TRAM1: variants seen among roughly 807,000 people sequenced by gnomAD.
TRAM1 encodes translocation associated membrane protein 1.
Under a neutral mutation model 48.7 loss-of-function variants are expected in TRAM1, and 17 were observed. The observed-to-expected ratio is 0.35, with a 90% CI of 0.24 to 0.52. The LOEUF (loss-of-function observed/expected upper bound fraction) is 0.52, where lower values mean the gene tolerates loss of function less well. Ranked by LOEUF, TRAM1 falls within the 20% of genes least tolerant of loss-of-function variation. The pLI is 0.94. For synonymous variants in TRAM1, 182 were observed against 154.0 expected, an observed-to-expected ratio of 1.18 and a Z score of -1.34; for missense variants, 351 against 441.5, an observed-to-expected ratio of 0.79 and a Z score of 1.84.
chr8:70,574,998 A>C lies in TRAM1; in HGVS notation c.1059T>G (p.Gly353=), dbSNP rs769835299. 1.2e-6 allele frequency: 2 copies of C among 1,606,350 alleles called. No individual in the cohort carries two copies. Among genetic ancestry groups the C allele is most frequent in the Non-Finnish European group, 1.7e-6 (2 of 1,177,312 alleles). Residue 353 remains glycine (G), a synonymous_variant, in exon 11 of 11, where the codon GGT becomes GGG. Coordinates refer to ENST00000262213, the MANE Select transcript of TRAM1 (RefSeq NM_014294.6). ...CATTTGAAGTTAATGTTCCATTCAC[A>C]CCATTTTCTGCAAAAAGAAAAGAAT... is the stretch of plus-strand genomic sequence containing the variant. ...GRSSKKGTEN[G]VNGTLTSNVA...
At chr8:70,604,809 A>G (rs547682536) in intron 1 of TRAM1, among the ~76,000 whole-genome samples, 7 of 152,222 alleles carry the variant, frequency 4.6e-5, no homozygotes, top group Middle Eastern at 3.4e-3. Flanking sequence ...TACACTCCTT[A>G]AAAGAAATAC....
chr8:70,587,294 C>T, intron 6 of TRAM1, 118 bp from the exon 7 acceptor site: 1 of 926,634 alleles, frequency 1.1e-6, no homozygotes, highest in Non-Finnish European at 1.6e-6. Context: ...CTCAAGAGAA[C>T]CCCCAACCTT....
intron 10 of TRAM1, 92 bp from the exon 11 acceptor site, chr8:70,575,097 G>T: frequency 1.1e-6 from 1 of 924,544 alleles, no homozygotes; most frequent in Non-Finnish European, 1.6e-6. Context: ...AAAAGAAAAT[G>T]TAAAATCCAA....
At chr8:70,586,866 A>G (rs1483092256) in intron 8 of TRAM1, 29 bp downstream of exon 8, 1 of 1,582,548 alleles carries the variant, frequency 6.3e-7, no homozygotes. Context: ...TACCTAGTAC[A>G]CGAGAAATAG....
intron 6 of TRAM1, among the ~76,000 whole-genome samples, chr8:70,588,673 A>T (rs570876209): frequency 6.6e-6 from 1 of 152,360 alleles, no homozygotes; most frequent in African/African-American, 2.4e-5. Context: ...ACACACACAC[A>T]AACACACAAT....
intron 1 of TRAM1, among the ~76,000 whole-genome samples, chr8:70,602,773 T>C (rs555531326): frequency 6.6e-6 from 1 of 152,168 alleles, no homozygotes; most frequent in Admixed American, 6.5e-5. Context: ...CTCTGGGAAT[T>C]GAGAGGCACC....
chr8:70,574,806 A>G lies in TRAM1; in HGVS notation c.*126T>C. On this transcript the variant is annotated 3_prime_UTR_variant, in exon 11 of 11. Transcript: ENST00000262213. Reference sequence around the variant, plus strand: ...AAATGCCCTTTAAAAAAATGCATGAAACCGTACAATAGCAAAAATCAAAGA... The same window carrying G: ...AAATGCCCTTTAAAAAAATGCATGAGACCGTACAATAGCAAAAATCAAAGA... The G allele has an allele frequency of 1.4e-6, 1 of 707,260 alleles. No homozygotes were observed. The highest frequency in any genetic ancestry group is 2.3e-6 in the Non-Finnish European group (1 of 430,742). 43.8% of individuals were successfully genotyped at this position (707,260 alleles called of 1,614,324 possible). A position where few individuals can be genotyped will look rare whatever the true frequency, so the allele number is the denominator to read the frequency against.
chr8:70,601,345 C>T (rs901459789), intron 1 of TRAM1, among the ~76,000 whole-genome samples: 1 of 152,130 alleles, frequency 6.6e-6, no homozygotes. Context: ...AAAATACGGT[C>T]GGAAAATATT....
intron 10 of TRAM1, among the ~76,000 whole-genome samples, chr8:70,576,385 A>G (rs1816953934): frequency 1.3e-5 from 2 of 152,244 alleles, no homozygotes; most frequent in African/African-American, 4.8e-5. Flanking sequence ...GGCTTACGTT[A>G]CTAACAACAT....
chr8:70,589,843 T>C (rs184028070), intron 6 of TRAM1, among the ~76,000 whole-genome samples: 33 of 152,194 alleles, frequency 2.2e-4, no homozygotes, highest in African/African-American at 7.9e-4. Context: ...AGACCTTGTC[T>C]CAAAACAAAA....
intron 4 of TRAM1, 37 bp downstream of exon 4, chr8:70,597,858 A>T (rs268626): frequency 7.0e-7 from 1 of 1,429,566 alleles, no homozygotes; most frequent in Non-Finnish European, 9.6e-7. Context: ...AATCTTAGAT[A>T]AGGAAGGAGA....
Position 70,580,749 on chromosome 8 carries a change from C to CA in TRAM1, c.1051+2414dup, listed in dbSNP as rs201859554. 2.6e-3 allele frequency among the ~76,000 whole-genome samples: 319 copies of CA among 121,072 alleles called. 1 individual carries two copies. Among genetic ancestry groups the CA allele is most frequent in the East Asian group, 4.3e-3 (18 of 4,178 alleles). 79.4% of individuals were successfully genotyped at this position (121,072 alleles called of 152,430 possible). A position where few individuals can be genotyped will look rare whatever the true frequency, so the allele number is the denominator to read the frequency against. On this transcript the variant is annotated intron_variant, in intron 10 of 10. Transcript: ENST00000262213. ...AATAGAAAGCATCCAGATTGCCCAC[C>CA]AAAAAAAAAAAAACCTATTTGAATA...
At chr8:70,578,405 T>A (rs537338790) in intron 10 of TRAM1, among the ~76,000 whole-genome samples, 4 of 152,306 alleles carry the variant, frequency 2.6e-5, no homozygotes, top group Non-Finnish European at 4.4e-5. Flanking sequence ...TTGAGACTGG[T>A]GGGCAGATCA....
In TRAM1 at chr8:70,590,927, T is replaced by C. The variant is rs114241955; in HGVS notation, c.570+3579A>G. Among the ~76,000 whole-genome samples, 1,271 of 152,196 alleles carry C rather than the reference T, an allele frequency of 8.4e-3. 19 individuals carry two copies. Among genetic ancestry groups the C allele is most frequent in the African/African-American group, 0.029 (1,202 of 41,512 alleles). On this transcript the variant is annotated intron_variant, in intron 6 of 10. Coordinates refer to ENST00000262213, the MANE Select transcript of TRAM1 (RefSeq NM_014294.6). ...AATTAGTAAGAGAATGGGTAAATAC[T>C]TGTGTCACTTACTAGCTGAGGGACC... is the stretch of plus-strand genomic sequence containing the variant.
intron 9 of TRAM1, 67 bp from the exon 10 acceptor site, chr8:70,583,391 C>T (rs1006526767): frequency 6.0e-6 from 9 of 1,491,246 alleles, no homozygotes; most frequent in Non-Finnish European, 8.2e-6. Flanking sequence ...ATTCTATCAT[C>T]TTTCATAGTA....
chr8:70,581,017 A>C (rs1395862193), intron 10 of TRAM1, among the ~76,000 whole-genome samples: 1 of 152,254 alleles, frequency 6.6e-6, no homozygotes. Context: ...TCTGCAAAGC[A>C]ACCTACAAAT....
chr8:70,608,369 G>GA lies in TRAM1; in HGVS notation c.-171_-170insT, dbSNP rs1470782276. 4 of 613,778 alleles carry GA rather than the reference G, an allele frequency of 6.5e-6. No homozygotes were observed. Among genetic ancestry groups the GA allele is most frequent in the South Asian group, 2.8e-5 (1 of 35,742 alleles). 38.0% of individuals were successfully genotyped at this position (613,778 alleles called of 1,614,324 possible). On this transcript the variant is annotated 5_prime_UTR_variant, in exon 1 of 11. Coordinates refer to ENST00000262213, the MANE Select transcript of TRAM1 (RefSeq NM_014294.6). ...CCAGTACGCAGCCGCCGGGCCGCCC[G>GA]GGGGAAAAAAAAAAACACAACAGCT...
At chr8:70,591,004 T>TACA (rs763918840) in intron 6 of TRAM1, among the ~76,000 whole-genome samples, 16 of 140,828 alleles carry the variant, frequency 1.1e-4, no homozygotes, top group Non-Finnish European at 1.5e-4. Flanking sequence ...ACAACAATAA[T>TACA]AATAAAAAAA....
chr8:70,594,384 T>A, intron 6 of TRAM1, 122 bp downstream of exon 6: 2 of 448,708 alleles, frequency 4.5e-6, no homozygotes. Flanking sequence ...AATGATGGGG[T>A]AAGAGTTGAG....
Sources: allele counts gnomAD v4.1 joint callset (sites outside exome capture counted in the v4.1 genomes callset), GRCh38; gene constraint gnomAD v4.1.1; transcripts MANE v1.5; gene names NCBI Gene and HGNC (gene_info 2026-07-23, HGNC 2026-07-21).